Variants in CTDSPL observed in about 807,000 individuals in gnomAD.
CTDSPL encodes CTD small phosphatase like, also known as CTD small phosphatase-like protein.
Under a neutral mutation model 30.5 loss-of-function variants are expected in CTDSPL, and 8 were observed. The observed-to-expected ratio is 0.26, with a 90% CI of 0.15 to 0.47. The LOEUF (loss-of-function observed/expected upper bound fraction) is 0.47. Ranked by LOEUF, CTDSPL falls within the 20% of genes least tolerant of loss-of-function variation. The pLI, the probability that CTDSPL is intolerant of heterozygous loss-of-function variation, is 0.99. For synonymous variants in CTDSPL, 110 were observed against 137.9 expected (o/e 0.80, Z 1.42); for missense variants, 248 against 366.1 (o/e 0.68, Z 2.63).
chr3:37,913,586 AC>A (rs1698608068), intron 1 of CTDSPL, among the ~76,000 whole-genome samples: 1 of 152,058 alleles, frequency 6.6e-6, no homozygotes, highest in Non-Finnish European at 1.5e-5. Context: ...AATTGGGGAG[AC>A]CTGCAGTCTG....
At chr3:37,921,836 T>C (rs949492677) in intron 1 of CTDSPL, among the ~76,000 whole-genome samples, 1 of 152,206 alleles carries the variant, frequency 6.6e-6, no homozygotes, top group African/African-American at 2.4e-5. Context: ...GTCTTGGGCC[T>C]TGCCTCTGCA....
chr3:37,935,015 C>A (rs1444369986), intron 1 of CTDSPL, among the ~76,000 whole-genome samples: 1 of 152,166 alleles, frequency 6.6e-6, no homozygotes, highest in Non-Finnish European at 1.5e-5. Flanking sequence ...TGTGCATGTG[C>A]CTGAGATGCT....
chr3:37,965,442 T>C (rs866681900), intron 4 of CTDSPL, among the ~76,000 whole-genome samples: 1 of 152,192 alleles, frequency 6.6e-6, no homozygotes, highest in African/African-American at 2.4e-5. Flanking sequence ...AGGCAAATGA[T>C]GAAAAGTTTG....
chr3:37,960,404 C>T (rs1403577624), intron 3 of CTDSPL, among the ~76,000 whole-genome samples: 5 of 137,878 alleles, frequency 3.6e-5, no homozygotes, highest in Non-Finnish European at 4.5e-5. Context: ...CACTTGAACC[C>T]GGGAGGTGGA....
At chr3:37,954,548 G>A (rs1029022592) in intron 2 of CTDSPL, 2 of 152,342 alleles carry the variant, frequency 1.3e-5, no homozygotes, top group Admixed American at 6.5e-5. Context: ...GAGTCCTTAA[G>A]TATCTATGCC....
At chr3:37,911,404 T>C (rs546276513) in intron 1 of CTDSPL, among the ~76,000 whole-genome samples, 24 of 152,192 alleles carry the variant, frequency 1.6e-4, no homozygotes, top group Non-Finnish European at 3.4e-4. Flanking sequence ...TGACTTCCCT[T>C]TTGTTACTCT....
intron 1 of CTDSPL, among the ~76,000 whole-genome samples, chr3:37,915,519 T>C (rs557658684): frequency 7.9e-5 from 12 of 152,214 alleles, no homozygotes; most frequent in Non-Finnish European, 1.6e-4. Flanking sequence ...TATTTGCTTT[T>C]GACCTATCAT....
chr3:37,932,105 G>A (rs924196366), intron 1 of CTDSPL, among the ~76,000 whole-genome samples: 6 of 152,010 alleles, frequency 3.9e-5, no homozygotes, highest in African/African-American at 1.4e-4. Flanking sequence ...GGATAGATTT[G>A]AACAGGATAA....
intron 1 of CTDSPL, among the ~76,000 whole-genome samples, chr3:37,876,382 C>T (rs1698134536): frequency 6.6e-6 from 1 of 152,198 alleles, no homozygotes; most frequent in Admixed American, 6.5e-5. Context: ...GAGAGTATTT[C>T]CATCACCCCC....
chr3:37,895,078 C>T (rs1367676112), intron 1 of CTDSPL, among the ~76,000 whole-genome samples: 1 of 152,222 alleles, frequency 6.6e-6, no homozygotes, highest in East Asian at 1.9e-4. Flanking sequence ...TTGCATTTTC[C>T]TATTTATTTG....
intron 1 of CTDSPL, among the ~76,000 whole-genome samples, chr3:37,907,894 A>G (rs979745726): frequency 6.6e-6 from 1 of 152,260 alleles, no homozygotes; most frequent in Non-Finnish European, 1.5e-5. Context: ...GTATACATAC[A>G]GCGCATTTGC....
intron 1 of CTDSPL, among the ~76,000 whole-genome samples, chr3:37,946,715 G>T (rs1272100341): frequency 2.0e-5 from 3 of 152,144 alleles, no homozygotes; most frequent in Non-Finnish European, 4.4e-5. Context: ...CTTGGTGCAG[G>T]GTGGGAATAC....
chr3:37,915,541 A>G (rs1698636099), intron 1 of CTDSPL, among the ~76,000 whole-genome samples: 1 of 152,014 alleles, frequency 6.6e-6, no homozygotes, highest in Admixed American at 6.6e-5. Context: ...TAGTTCATTA[A>G]TTTTTCTTCA....
At chr3:37,929,063 T>C (rs559328191) in intron 1 of CTDSPL, among the ~76,000 whole-genome samples, 1 of 152,320 alleles carries the variant, frequency 6.6e-6, no homozygotes, top group South Asian at 2.1e-4. Context: ...AGTCTTGGCA[T>C]CCTTGTCAAA....
chr3:37,889,703 C>T (rs1334326401), intron 1 of CTDSPL, among the ~76,000 whole-genome samples: 1 of 152,134 alleles, frequency 6.6e-6, no homozygotes, highest in Non-Finnish European at 1.5e-5. Context: ...CACCTAGGCA[C>T]ATTATAATCG....
intron 4 of CTDSPL, among the ~76,000 whole-genome samples, chr3:37,967,093 T>C (rs971448967): frequency 2.6e-5 from 4 of 152,228 alleles, no homozygotes; most frequent in African/African-American, 9.6e-5. Flanking sequence ...TGCTGGATGT[T>C]GTGTTCCTTG....
chr3:37,956,427 C>T (rs1188989137), intron 2 of CTDSPL, among the ~76,000 whole-genome samples: 2 of 152,206 alleles, frequency 1.3e-5, no homozygotes, highest in African/African-American at 4.8e-5. Context: ...ATTAGCATTT[C>T]TTAACAATGC....
intron 1 of CTDSPL, among the ~76,000 whole-genome samples, chr3:37,879,303 C>T (rs1698175531): frequency 6.6e-6 from 1 of 152,212 alleles, no homozygotes; most frequent in African/African-American, 2.4e-5. Context: ...AAAGACTGGA[C>T]AAGTGGCTAA....
intron 1 of CTDSPL, among the ~76,000 whole-genome samples, chr3:37,863,338 C>T (rs73056940): frequency 0.041 from 6,196 of 152,304 alleles, 169 homozygotes; most frequent in Middle Eastern, 0.058. Context: ...CCCAGCCCCC[C>T]ATTCTGTTTC....
Sources: allele counts gnomAD v4.1 joint callset (sites outside exome capture counted in the v4.1 genomes callset), GRCh38; gene constraint gnomAD v4.1.1; transcripts MANE v1.5; gene names NCBI Gene and HGNC (gene_info 2026-07-23, HGNC 2026-07-21).